The following CNTN3 variants were observed in gnomAD, a reference collection of about 807,000 sequenced individuals.
CNTN3 encodes contactin 3, also known as contactin-3.
A neutral mutation model predicts 119.1 loss-of-function variants in CNTN3; 60 were observed. The ratio of observed to expected loss-of-function variants is 0.50; its 90% CI spans 0.41 to 0.62. The LOEUF (loss-of-function observed/expected upper bound fraction) is 0.62, where lower values mean the gene tolerates loss of function less well. Among genes scored for constraint, CNTN3 ranks in the 20% least tolerant of loss-of-function variants. CNTN3 has a pLI of 0.00. For missense variants in CNTN3, 1,101 were observed against 1,242.4 expected, an observed-to-expected ratio of 0.89 and a Z score of 1.71; for synonymous variants, 450 against 438.7, an observed-to-expected ratio of 1.03 and a Z score of -0.32.
chr3:74,469,856 T>C (rs1228513125), intron 4 of CNTN3, among the ~76,000 whole-genome samples: 2 of 152,178 alleles, frequency 1.3e-5, no homozygotes, highest in Non-Finnish European at 2.9e-5. Flanking sequence ...TAGGTATGTA[T>C]ATATCTAACA....
intron 1 of CNTN3, among the ~76,000 whole-genome samples, chr3:74,570,959 A>G (rs1575837304): frequency 6.6e-6 from 1 of 152,238 alleles, no homozygotes; most frequent in East Asian, 1.9e-4. Context: ...TTTTCCTTGG[A>G]AATATGATAA....
At chr3:74,573,409 G>A (rs1704365509) in intron 1 of CNTN3, among the ~76,000 whole-genome samples, 1 of 151,938 alleles carries the variant, frequency 6.6e-6, no homozygotes, top group Non-Finnish European at 1.5e-5. Context: ...TTAGGAAATG[G>A]TTTCTCAGAT....
intron 4 of CNTN3, among the ~76,000 whole-genome samples, chr3:74,433,116 C>T (rs886512511): frequency 1.3e-5 from 2 of 152,080 alleles, no homozygotes; most frequent in Non-Finnish European, 2.9e-5. Flanking sequence ...TCAATGAGAA[C>T]TTGATTTCAA....
At chr3:74,457,443 A>AAT (rs1350120753) in intron 4 of CNTN3, among the ~76,000 whole-genome samples, 1 of 152,000 alleles carries the variant, frequency 6.6e-6, no homozygotes, top group Non-Finnish European at 1.5e-5. Context: ...AGACTTAATA[A>AAT]TCTCATCTGT....
chr3:74,298,134 G>A lies in CNTN3; in HGVS notation c.2224C>T (p.Pro742Ser), dbSNP rs1472528120. The A allele has an allele frequency of 6.2e-7, 1 of 1,611,374 alleles. No homozygotes were observed. Among genetic ancestry groups the A allele is most frequent in the Non-Finnish European group, 8.5e-7 (1 of 1,178,402 alleles). ...TGGATCCAGGTGGTAACCCCAAGAG[G>A]GCGGAAAGCAACAACATACCCAAAA... ...EGFGYVVAFR[P>S]LGVTTWIQTV... Residue 742 changes from proline (P) to serine (S), a missense_variant, in exon 18 of 23, where the codon CCT (proline) becomes TCT (serine). Physicochemically the swap from Pro to Ser is moderately conservative, Grantham distance 74. Transcript: ENST00000263665.
chr3:74,495,758 C>T (rs895930395), intron 3 of CNTN3, among the ~76,000 whole-genome samples: 2 of 151,982 alleles, frequency 1.3e-5, no homozygotes, highest in African/African-American at 4.8e-5. Context: ...TTATAGACAA[C>T]CATGTTTAAG....
intron 4 of CNTN3, among the ~76,000 whole-genome samples, chr3:74,477,361 TA>T (rs1290296922): frequency 6.6e-6 from 1 of 151,884 alleles, no homozygotes; most frequent in Non-Finnish European, 1.5e-5. Flanking sequence ...GAGGGCAAAA[TA>T]AACACACTTT....
chr3:74,381,089 C>T (rs528899943), intron 5 of CNTN3, among the ~76,000 whole-genome samples: 3 of 150,242 alleles, frequency 2.0e-5, no homozygotes, highest in Non-Finnish European at 4.4e-5. Context: ...CTCTCTCTCA[C>T]ACACACACAC....
intron 4 of CNTN3, among the ~76,000 whole-genome samples, chr3:74,465,575 C>G (rs1702446741): frequency 6.6e-6 from 1 of 152,170 alleles, no homozygotes; most frequent in African/African-American, 2.4e-5. Context: ...TCCATTTCTT[C>G]TTATATCTAT....
At chr3:74,295,511 T>C (rs74551417) in intron 18 of CNTN3, among the ~76,000 whole-genome samples, 1,638 of 152,268 alleles carry the variant, frequency 0.011, 14 homozygotes, top group Middle Eastern at 0.02. Context: ...TCTTCCTTTT[T>C]CTTTGCCTGT....
intron 2 of CNTN3, among the ~76,000 whole-genome samples, chr3:74,503,389 G>A (rs1703199555): frequency 1.3e-5 from 2 of 152,002 alleles, no homozygotes; most frequent in Admixed American, 6.6e-5. Flanking sequence ...GGGAGCCTCT[G>A]ACGCCTCTTA....
chr3:74,613,317 A>G (rs1705114042), intron 1 of CNTN3, among the ~76,000 whole-genome samples: 1 of 127,292 alleles, frequency 7.9e-6, no homozygotes, highest in African/African-American at 3.0e-5. Flanking sequence ...TTTTAAAATT[A>G]TTTCTGGATT....
chr3:74,392,597 T>C (rs916165250), intron 5 of CNTN3, among the ~76,000 whole-genome samples: 1 of 152,168 alleles, frequency 6.6e-6, no homozygotes, highest in Non-Finnish European at 1.5e-5. Context: ...CTAATGAGCA[T>C]ATAGTAGCAT....
intron 4 of CNTN3, among the ~76,000 whole-genome samples, chr3:74,441,088 T>G (rs1182700703): frequency 6.6e-6 from 1 of 152,090 alleles, no homozygotes; most frequent in Non-Finnish European, 1.5e-5. Context: ...AGCAAGCAAA[T>G]GAATGTAATT....
chr3:74,279,505 T>C (rs1242861438), intron 20 of CNTN3, among the ~76,000 whole-genome samples: 6 of 152,166 alleles, frequency 3.9e-5, no homozygotes, highest in African/African-American at 9.6e-5. Context: ...CTGGATGAGA[T>C]AGTAGACTAT....
intron 5 of CNTN3, among the ~76,000 whole-genome samples, chr3:74,421,950 C>T (rs1575709018): frequency 6.6e-6 from 1 of 152,330 alleles, no homozygotes; most frequent in East Asian, 1.9e-4. Flanking sequence ...GGTTGGCACC[C>T]AGGTCATTTT....
At chr3:74,590,035 C>G in intron 1 of CNTN3, among the ~76,000 whole-genome samples, 1 of 151,140 alleles carries the variant, frequency 6.6e-6, no homozygotes, top group East Asian at 1.9e-4. Flanking sequence ...GTGCAGCTCA[C>G]CAGCATGGCA....
At chr3:74,379,549 C>A (rs777814415) in intron 5 of CNTN3, among the ~76,000 whole-genome samples, 1 of 152,080 alleles carries the variant, frequency 6.6e-6, no homozygotes, top group Non-Finnish European at 1.5e-5. Context: ...TCTGTAAATG[C>A]AAAAAATGTG....
chr3:74,478,750 A>G, intron 4 of CNTN3, among the ~76,000 whole-genome samples: 1 of 152,156 alleles, frequency 6.6e-6, no homozygotes, highest in East Asian at 1.9e-4. Context: ...ATATAACCAG[A>G]TAGCTGCAAA....
Sources: allele counts gnomAD v4.1 joint callset (sites outside exome capture counted in the v4.1 genomes callset), GRCh38; gene constraint gnomAD v4.1.1; transcripts MANE v1.5; gene names NCBI Gene and HGNC (gene_info 2026-07-23, HGNC 2026-07-21).